The following STARD13 variants were observed in gnomAD, a reference collection of about 807,000 sequenced individuals.
STARD13 encodes the protein StAR related lipid transfer domain containing 13.
A neutral mutation model predicts 106.4 loss-of-function variants in STARD13; 62 were observed. The observed-to-expected ratio is 0.58, with a 90% CI of 0.48 to 0.72. STARD13 has a LOEUF of 0.72. STARD13 is among the 30% of genes least tolerant of loss of function. The pLI is 0.00. For missense variants in STARD13, 1,387 were observed against 1,424.0 expected (o/e 0.97, Z 0.42); for synonymous variants, 565 against 553.0 (o/e 1.02, Z -0.31).
intron 1 of STARD13, among the ~76,000 whole-genome samples, chr13:33,332,385 T>C (rs1439513389): frequency 1.3e-5 from 2 of 152,142 alleles, no homozygotes. Flanking sequence ...CCCAGTTTGA[T>C]GGTATTGGGA....
chr13:33,285,465 C>T lies in STARD13; in HGVS notation c.169+5G>A. 5.0e-6 allele frequency: 8 copies of T among 1,611,870 alleles called. No homozygotes were observed. Among genetic ancestry groups the T allele is most frequent in the Non-Finnish European group, 5.9e-6 (7 of 1,178,382 alleles). Reference sequence around the variant, plus strand: ...AGCAACAGCCTTCCACTGCCGGCCACTCACCTTGTTGAATTTTAGTCACTA... The same window carrying T: ...AGCAACAGCCTTCCACTGCCGGCCATTCACCTTGTTGAATTTTAGTCACTA... On this transcript the variant is annotated splice_donor_5th_base_variant and intron_variant, in intron 1 of 13. Coordinates refer to ENST00000336934, the MANE Select transcript of STARD13 (RefSeq NM_178006.4).
At chr13:33,400,627 A>AT in the STARD13 span, among the ~76,000 whole-genome samples, 37 of 151,246 alleles carry the variant, frequency 2.4e-4, no homozygotes, top group Non-Finnish European at 4.0e-4. Context: ...TGCCCAGCTA[A>AT]TTTTTTTTTG....
At chr13:33,448,884 A>G in the STARD13 span, among the ~76,000 whole-genome samples, 1 of 152,062 alleles carries the variant, frequency 6.6e-6, no homozygotes, top group Non-Finnish European at 1.5e-5. Flanking sequence ...GGCCATTTGT[A>G]TGTCTTAAGA....
the STARD13 span, among the ~76,000 whole-genome samples, chr13:33,426,440 T>A: frequency 2.0e-5 from 3 of 152,152 alleles, no homozygotes; most frequent in African/African-American, 2.4e-5. Flanking sequence ...TTATTACTCA[T>A]CTCAGCCCTG....
At chr13:33,374,617 A>C in the STARD13 span, among the ~76,000 whole-genome samples, 1 of 152,172 alleles carries the variant, frequency 6.6e-6, no homozygotes, top group Non-Finnish European at 1.5e-5. Context: ...GATAATATTC[A>C]GGGGTTACAG....
the STARD13 span, among the ~76,000 whole-genome samples, chr13:33,457,369 GA>G: frequency 6.6e-6 from 1 of 152,214 alleles, no homozygotes; most frequent in Non-Finnish European, 1.5e-5. Context: ...TCTAAAGGAT[GA>G]ATCATACAGG....
the STARD13 span, among the ~76,000 whole-genome samples, chr13:33,458,132 A>T: frequency 2.6e-5 from 4 of 151,584 alleles, no homozygotes; most frequent in Non-Finnish European, 5.9e-5. Flanking sequence ...AAGTAATTAT[A>T]TAAAAACAAA....
chr13:33,517,619 T>C, the STARD13 span, among the ~76,000 whole-genome samples: 1 of 152,040 alleles, frequency 6.6e-6, no homozygotes, highest in Admixed American at 6.6e-5. Context: ...TCTGATAATG[T>C]GGAGTTAATT....
At chr13:33,613,799 T>C in the STARD13 span, among the ~76,000 whole-genome samples, 1 of 152,132 alleles carries the variant, frequency 6.6e-6, no homozygotes, top group Non-Finnish European at 1.5e-5. Flanking sequence ...AAATGTTAAT[T>C]TAGCAGCAGG....
At chr13:33,400,465 A>ATTT in the STARD13 span, among the ~76,000 whole-genome samples, 3 of 140,584 alleles carry the variant, frequency 2.1e-5, no homozygotes, top group African/African-American at 7.8e-5. Flanking sequence ...TTCAATGGCT[A>ATTT]TTTTTTTTTT....
chr13:33,588,581 G>T, the STARD13 span, among the ~76,000 whole-genome samples: 2 of 152,164 alleles, frequency 1.3e-5, no homozygotes, highest in East Asian at 1.9e-4. Context: ...GATTGAAAGA[G>T]AATTGCTTAA....
At chr13:33,477,409 C>T in the STARD13 span, among the ~76,000 whole-genome samples, 1 of 152,156 alleles carries the variant, frequency 6.6e-6, no homozygotes, top group South Asian at 2.1e-4. Flanking sequence ...CCACATCACC[C>T]CAACAATAAT....
Position 33,127,446 on chromosome 13 carries a change from G to T in STARD13, c.1849C>A (p.Gln617Lys). ...GTGAGGCGGAGCAGTGAGAAGCGCT[G>T]GAGCAGGCTCAGCTGGCTGGCCGTC... ...SQTASQLSLL[Q>K]RFSLLRLTAI... The change falls in exon 6 of 14, where the codon CAG (glutamine) becomes AAG (lysine). Residue 617 changes from glutamine (Q) to lysine (K), a missense_variant. Physicochemically the swap from Gln to Lys is moderately conservative, Grantham distance 53 (BLOSUM62 1). Coordinates refer to ENST00000336934, the MANE Select transcript of STARD13 (RefSeq NM_178006.4). 6.2e-7 allele frequency: 1 copy of T among 1,603,732 alleles called. No individual in the cohort carries two copies.
the STARD13 span, among the ~76,000 whole-genome samples, chr13:33,590,413 G>A: frequency 2.0e-5 from 3 of 151,738 alleles, no homozygotes; most frequent in East Asian, 1.9e-4. Context: ...TGTTTATTGC[G>A]GCACTAGTCA....
chr13:33,236,502 T>C (rs1444953296), intron 1 of STARD13, among the ~76,000 whole-genome samples: 1 of 152,216 alleles, frequency 6.6e-6, no homozygotes, highest in Non-Finnish European at 1.5e-5. Context: ...CCTTTGTACA[T>C]ATGCAAAGAT....
In STARD13 at chr13:33,350,148, G is replaced by GC. The variant is rs528001215; in HGVS notation, c.124+141dup. On this transcript the variant is annotated intron_variant, in intron 1 of 1. Coordinates refer to the STARD13 transcript ENST00000439831. ...CGGGGCCCGGCCCAGGGAGGGTGGT[G>GC]CCCGCAGCCCGCTCGCCCCGGCCTT... 7.9e-5 allele frequency: 94 copies of GC among 1,191,612 alleles called. 1 individual carries two copies. In the South Asian group the frequency reaches 2.3e-3, roughly 29 times the overall value. 73.8% of individuals were successfully genotyped at this position (1,191,612 alleles called of 1,614,324 possible).
chr13:33,133,266 T>C (rs1290891327), intron 4 of STARD13, among the ~76,000 whole-genome samples: 1 of 152,190 alleles, frequency 6.6e-6, no homozygotes, highest in African/African-American at 2.4e-5. Context: ...AGCCTGGCCC[T>C]GTCTGCTGGT....
At chr13:33,277,498 C>T (rs950728609) in intron 1 of STARD13, 2 of 152,120 alleles carry the variant, frequency 1.3e-5, no homozygotes, top group Non-Finnish European at 2.9e-5. Context: ...TTCTCGGAGC[C>T]ACCCATCAGT....
the STARD13 span, among the ~76,000 whole-genome samples, chr13:33,528,257 C>CACATATATATATATATATATGTATATAT: frequency 5.4e-5 from 5 of 92,928 alleles, no homozygotes; most frequent in African/African-American, 2.6e-4. Flanking sequence ...TATATATATA[C>CACATATATATATATATATATGTATATAT]ATATATATAT....
Sources: allele counts gnomAD v4.1 joint callset (sites outside exome capture counted in the v4.1 genomes callset), GRCh38; gene constraint gnomAD v4.1.1; transcripts MANE v1.5; gene names NCBI Gene and HGNC (gene_info 2026-07-23, HGNC 2026-07-21).